Variants in STMN2 observed in about 807,000 individuals in gnomAD.
STMN2 encodes stathmin 2.
Under a neutral mutation model 24.1 loss-of-function variants are expected in STMN2, and 2 were observed. The ratio of observed to expected loss-of-function variants is 0.08; its 90% CI spans 0.03 to 0.26. The LOEUF (loss-of-function observed/expected upper bound fraction) is 0.26. STMN2 is among the 10% of genes least tolerant of loss of function. The pLI is 1.00. For missense variants in STMN2, 114 were observed against 213.6 expected (o/e 0.53, Z 2.91); for synonymous variants, 83 against 77.5 (o/e 1.07, Z -0.37).
intron 2 of STMN2, among the ~76,000 whole-genome samples, chr8:79,637,484 T>C (rs1267100674): frequency 1.3e-5 from 2 of 152,346 alleles, no homozygotes; most frequent in South Asian, 2.1e-4. Context: ...AGGTTTGATT[T>C]ATCCTGATTC....
chr8:79,618,049 C>T (rs369843720), intron 1 of STMN2, among the ~76,000 whole-genome samples: 15 of 152,326 alleles, frequency 9.8e-5, no homozygotes, highest in East Asian at 7.7e-4. Flanking sequence ...CATCTTTCAC[C>T]GATTGCTGCT....
At chr8:79,625,521 G>A (rs2130317513) in intron 1 of STMN2, among the ~76,000 whole-genome samples, 1 of 152,296 alleles carries the variant, frequency 6.6e-6, no homozygotes, top group South Asian at 2.1e-4. Context: ...AGTCTTCTTA[G>A]ACATAGTAAG....
intron 1 of STMN2, among the ~76,000 whole-genome samples, chr8:79,634,880 G>A (rs1023934272): frequency 2.6e-5 from 4 of 152,100 alleles, no homozygotes; most frequent in African/African-American, 9.7e-5. Flanking sequence ...TCTCCCTTGG[G>A]TTATATTATA....
intron 1 of STMN2, chr8:79,611,708 G>A (rs1809229285): frequency 2.1e-6 from 2 of 963,182 alleles, no homozygotes; most frequent in Non-Finnish European, 2.5e-6. Context: ...GTGGAGACGG[G>A]GGGAGGGGAT....
chr8:79,612,087 T>A (rs1210735572), intron 1 of STMN2, among the ~76,000 whole-genome samples: 127 of 119,534 alleles, frequency 1.1e-3, no homozygotes, highest in African/African-American at 3.9e-3. Flanking sequence ...CGCCCGGTGC[T>A]GCATCTTCAT....
At chr8:79,661,710 G>A (rs1019082243) in intron 4 of STMN2, among the ~76,000 whole-genome samples, 2 of 151,976 alleles carry the variant, frequency 1.3e-5, no homozygotes, top group African/African-American at 4.8e-5. Context: ...CTGGTCTTTA[G>A]GAAGATTAAG....
At chr8:79,626,530 A>G (rs764300384) in intron 1 of STMN2, among the ~76,000 whole-genome samples, 9 of 152,240 alleles carry the variant, frequency 5.9e-5, no homozygotes, top group Non-Finnish European at 1.2e-4. Flanking sequence ...AGTCAGTAGC[A>G]TAATATAAAG....
chr8:79,647,142 T>C (rs765250108), intron 3 of STMN2, among the ~76,000 whole-genome samples: 66 of 152,336 alleles, frequency 4.3e-4, no homozygotes, highest in Middle Eastern at 6.8e-3. Context: ...CCCAATAAGT[T>C]ACAGGTTTGT....
intron 1 of STMN2, among the ~76,000 whole-genome samples, chr8:79,612,614 C>A (rs1316919434): frequency 6.6e-6 from 1 of 152,186 alleles, no homozygotes; most frequent in Non-Finnish European, 1.5e-5. Flanking sequence ...GGTCTTGTGC[C>A]TTGAGTGCCC....
chr8:79,624,678 T>G (rs986361074), intron 1 of STMN2, among the ~76,000 whole-genome samples: 1 of 152,156 alleles, frequency 6.6e-6, no homozygotes. Flanking sequence ...ATTTTAGAAG[T>G]GAACTATGAA....
chr8:79,652,300 T>C (rs1001951401), intron 3 of STMN2, among the ~76,000 whole-genome samples: 5 of 152,192 alleles, frequency 3.3e-5, no homozygotes, highest in Non-Finnish European at 7.3e-5. Flanking sequence ...CCAGCCTTCT[T>C]CCTTGAGAAG....
intron 4 of STMN2, among the ~76,000 whole-genome samples, chr8:79,659,630 A>G (rs1278513690): frequency 6.6e-6 from 1 of 152,216 alleles, no homozygotes; most frequent in African/African-American, 2.4e-5. Context: ...ATGTATAATC[A>G]TTTTAACAAC....
At position 79,648,453 on chromosome 8, in the gene STMN2, C is replaced by CTTTTTT. The variant is rs11374351; in HGVS notation, c.289-6402_289-6397dup. On this transcript the variant is annotated intron_variant, in intron 3 of 4. Transcript: ENST00000220876. Reference sequence around the variant, plus strand: ...AAATGCTACCATACAATATACGTTGCTTTTTTTTTTTTTTTTTTTTTGAGA... The same window carrying CTTTTTT: ...AAATGCTACCATACAATATACGTTGCTTTTTTTTTTTTTTTTTTTTTTTTTTTGAGA... Among the ~76,000 whole-genome samples, 39 of 97,888 alleles carry CTTTTTT rather than the reference C, an allele frequency of 4.0e-4. 2 individuals carry two copies. The highest frequency in any genetic ancestry group is 5.5e-4 in the Admixed American group (4 of 7,258). 64.2% of individuals were successfully genotyped at this position (97,888 alleles called of 152,430 possible). A position where few individuals can be genotyped will look rare whatever the true frequency, so the allele number is the denominator to read the frequency against.
intron 1 of STMN2, among the ~76,000 whole-genome samples, chr8:79,619,195 T>A (rs891161334): frequency 2.6e-5 from 4 of 152,152 alleles, no homozygotes; most frequent in Admixed American, 2.6e-4. Context: ...AAGTACCCAA[T>A]ATAACAATAG....
intron 4 of STMN2, among the ~76,000 whole-genome samples, chr8:79,655,643 A>C (rs1806327270): frequency 6.6e-6 from 1 of 152,112 alleles, no homozygotes; most frequent in African/African-American, 2.4e-5. Flanking sequence ...CCTTCTCTTC[A>C]ACAACCTAAA....
chr8:79,611,861 A>C (rs1407564032), intron 1 of STMN2: 1 of 331,068 alleles, frequency 3.0e-6, no homozygotes, highest in East Asian at 1.9e-4. Context: ...GAGGGGAAGG[A>C]GAGAGGAAGT....
At chr8:79,655,292 G>T (rs556648832) in intron 4 of STMN2, among the ~76,000 whole-genome samples, 1 of 152,244 alleles carries the variant, frequency 6.6e-6, no homozygotes, top group South Asian at 2.1e-4. Context: ...TTTTCCCATG[G>T]TGAGTGGATT....
Position 79,631,759 on chromosome 8 carries a change from A to G in STMN2, c.20-5043A>G, listed in dbSNP as rs60778651. ...GGGATTACATATCTGACTTTTAAAA[A>G]AAATTATCTGACCTTGAGTTATAGT... On this transcript the variant is annotated intron_variant, in intron 1 of 4. Transcript: ENST00000220876. Among the ~76,000 whole-genome samples, 1,405 of 152,340 alleles carry G rather than the reference A, an allele frequency of 9.2e-3. 19 individuals carry two copies. The highest frequency in any genetic ancestry group is 0.031 in the African/African-American group (1,306 of 41,576).
At chr8:79,637,004 C>A in intron 2 of STMN2, 107 bp downstream of exon 2, 3 of 1,038,144 alleles carry the variant, frequency 2.9e-6, no homozygotes, top group Non-Finnish European at 4.3e-6. Context: ...TATTTTGTAG[C>A]TCTCACTATT....
Sources: allele counts gnomAD v4.1 joint callset (sites outside exome capture counted in the v4.1 genomes callset), GRCh38; gene constraint gnomAD v4.1.1; transcripts MANE v1.5; gene names NCBI Gene and HGNC (gene_info 2026-07-23, HGNC 2026-07-21).